INSL6: variants seen among roughly 807,000 people sequenced by gnomAD.
The protein encoded by INSL6 is insulin like 6.
Under a neutral mutation model 9.4 loss-of-function variants are expected in INSL6, and 16 were observed. The ratio of observed to expected loss-of-function variants is 1.70; its 90% CI spans 1.15 to 2.59. The LOEUF is 2.59. INSL6 is among the 30% of genes most tolerant of loss of function. The pLI, the probability that INSL6 is intolerant of heterozygous loss-of-function variation, is 0.00. For missense variants in INSL6, 391 were observed against 257.3 expected (o/e 1.52, Z -3.56); for synonymous variants, 154 against 96.9 (o/e 1.59, Z -3.46).
chr9:5,041,488 T>TA, the INSL6 span: 1 of 591,604 alleles, frequency 1.7e-6, no homozygotes, highest in Non-Finnish European at 3.3e-6. Flanking sequence ...TCATGAGCGG[T>TA]ACAGAAGATC....
the INSL6 span, chr9:5,041,515 C>G: frequency 1.8e-6 from 1 of 557,838 alleles, no homozygotes; most frequent in East Asian, 4.7e-5. Flanking sequence ...ACATAGCGCG[C>G]CACGCCCATC....
chr9:5,167,343 G>C (rs1180028879), intron 1 of INSL6, among the ~76,000 whole-genome samples: 1 of 152,246 alleles, frequency 6.6e-6, no homozygotes, highest in African/African-American at 2.4e-5. Flanking sequence ...GCTGAGGTGG[G>C]TGGCACTTGA....
chr9:5,172,619 A>T (rs1307863162), intron 1 of INSL6, among the ~76,000 whole-genome samples: 3 of 152,156 alleles, frequency 2.0e-5, no homozygotes, highest in African/African-American at 7.2e-5. Context: ...TACAAGAAAA[A>T]ACAAACAATC....
intron 3 of INSL6, among the ~76,000 whole-genome samples, chr9:5,132,483 C>G (rs1824310279): frequency 6.6e-6 from 1 of 152,058 alleles, no homozygotes; most frequent in East Asian, 1.9e-4. Flanking sequence ...CTAGGCCATT[C>G]TCTCACAGTT....
intron 3 of INSL6, among the ~76,000 whole-genome samples, chr9:5,131,683 A>G (rs1045982950): frequency 1.3e-5 from 2 of 152,054 alleles, no homozygotes; most frequent in Non-Finnish European, 2.9e-5. Flanking sequence ...CAGGTGATCC[A>G]ACCGCCTCAA....
the INSL6 span, among the ~76,000 whole-genome samples, chr9:5,059,862 G>A: frequency 6.6e-6 from 1 of 152,244 alleles, no homozygotes; most frequent in Admixed American, 6.5e-5. Context: ...TGAAGTGCCT[G>A]TGACAGTCTT....
At chr9:5,155,122 A>G (rs1027574971) in intron 2 of INSL6, among the ~76,000 whole-genome samples, 5 of 151,768 alleles carry the variant, frequency 3.3e-5, no homozygotes, top group African/African-American at 1.2e-4. Flanking sequence ...TGGCACATAT[A>G]CACCATGGAC....
At chr9:5,117,979 T>G in the INSL6 span, among the ~76,000 whole-genome samples, 2 of 152,350 alleles carry the variant, frequency 1.3e-5, no homozygotes, top group East Asian at 3.9e-4. Flanking sequence ...TTTAAATTGA[T>G]AGCTAATTTT....
At chr9:5,183,043 A>G (rs1468682751) in intron 1 of INSL6, among the ~76,000 whole-genome samples, 2 of 152,202 alleles carry the variant, frequency 1.3e-5, no homozygotes, top group African/African-American at 2.4e-5. Flanking sequence ...CTAACACAAC[A>G]ACTTGTCCTG....
chr9:5,145,821 A>G (rs1824592246), intron 2 of INSL6, among the ~76,000 whole-genome samples: 1 of 152,156 alleles, frequency 6.6e-6, no homozygotes, highest in African/African-American at 2.4e-5. Flanking sequence ...ATTCTTTTCT[A>G]GACTGGCTAT....
the INSL6 span, chr9:5,108,357 A>G: frequency 1.3e-5 from 2 of 152,078 alleles, no homozygotes; most frequent in South Asian, 4.2e-4. Context: ...CCTCAATGCA[A>G]GCTCATATTT....
chr9:5,151,249 T>C (rs1357844394), intron 2 of INSL6, among the ~76,000 whole-genome samples: 2 of 152,022 alleles, frequency 1.3e-5, no homozygotes, highest in African/African-American at 4.8e-5. Flanking sequence ...TTACATAGAT[T>C]CAACATTCAA....
the INSL6 span, among the ~76,000 whole-genome samples, chr9:5,029,459 G>A: frequency 6.6e-6 from 1 of 152,136 alleles, no homozygotes; most frequent in South Asian, 2.1e-4. Context: ...GACACAAAGT[G>A]AGCACGTGCT....
At chr9:5,096,343 G>T in the INSL6 span, among the ~76,000 whole-genome samples, 4 of 152,174 alleles carry the variant, frequency 2.6e-5, no homozygotes, top group East Asian at 7.7e-4. Context: ...ACAAACCCAA[G>T]GACTGCAAAA....
At chr9:5,051,257 A>G in the INSL6 span, among the ~76,000 whole-genome samples, 101 of 152,326 alleles carry the variant, frequency 6.6e-4, no homozygotes, top group African/African-American at 2.3e-3. Flanking sequence ...CATAGGTATT[A>G]AATATCTATT....
At chr9:5,162,927 T>C (rs1003934043), downstream of INSL6, among the ~76,000 whole-genome samples, 1 of 152,168 alleles carries the variant, frequency 6.6e-6, no homozygotes, top group Non-Finnish European at 1.5e-5. Context: ...CTGGGTTCTG[T>C]TTTGCTCTAA....
chr9:5,185,611 C>G lies in INSL6; in HGVS notation c.-9G>C, dbSNP rs1307022225. 1 of 1,608,286 alleles carries G rather than the reference C, an allele frequency of 6.2e-7. No homozygotes were observed. Among genetic ancestry groups the G allele is most frequent in the Non-Finnish European group, 8.5e-7 (1 of 1,178,328 alleles). ...CGGAGGAGCCGCGGCATCCCTGTGA[C>G]CCCAGGCTAGTCCTCCGCGTTGTGC... is the stretch of plus-strand genomic sequence containing the variant. On this transcript the variant is annotated 5_prime_UTR_variant, in exon 1 of 2. Coordinates refer to ENST00000381641, the MANE Select transcript of INSL6 (RefSeq NM_007179.3).
chr9:5,123,225 T>G, downstream of INSL6: 2 of 674,716 alleles, frequency 3.0e-6, no homozygotes, highest in Non-Finnish European at 5.2e-6. Flanking sequence ...CATTGCATAG[T>G]GGTGAAGTCA....
chr9:5,177,744 A>G (rs905159178), intron 1 of INSL6, among the ~76,000 whole-genome samples: 1 of 152,194 alleles, frequency 6.6e-6, no homozygotes, highest in African/African-American at 2.4e-5. Context: ...GGCAGCCGCC[A>G]TCTCTGGGAA....
Sources: gnomAD v4.1 joint callset for allele counts (sites outside exome capture counted in the v4.1 genomes callset) on GRCh38, gnomAD v4.1.1 for gene constraint, MANE v1.5 for transcripts, NCBI Gene and HGNC (gene_info 2026-07-23, HGNC 2026-07-21) for gene names.